RFX4: variants seen among roughly 807,000 people sequenced by gnomAD.
The protein encoded by RFX4 is transcription factor RFX4.
RFX4 carries 10 observed loss-of-function variants against 95.0 expected under a neutral mutation model. That is an observed-to-expected ratio of 0.11 (90% CI 0.06 to 0.18). The LOEUF is 0.18. Among genes scored for constraint, RFX4 ranks in the 10% least tolerant of loss-of-function variants. RFX4 has a pLI of 1.00. For synonymous variants in RFX4, 321 were observed against 340.7 expected, an observed-to-expected ratio of 0.94 and a Z score of 0.64; for missense variants, 640 against 922.0, an observed-to-expected ratio of 0.69 and a Z score of 3.96.
chr12:106,726,157 A>C (rs1403583832), intron 13 of RFX4, among the ~76,000 whole-genome samples: 2 of 151,434 alleles, frequency 1.3e-5, no homozygotes, highest in African/African-American at 4.9e-5. Flanking sequence ...CTGAGGCAGG[A>C]GAATTGCTTG....
intron 1 of RFX4, among the ~76,000 whole-genome samples, chr12:106,600,808 C>G (rs979665942): frequency 6.6e-6 from 1 of 152,178 alleles, no homozygotes; most frequent in Non-Finnish European, 1.5e-5. Flanking sequence ...CAGGCCCTTG[C>G]ACTCCAACAT....
chr12:106,608,580 T>G (rs1220618485), intron 1 of RFX4, among the ~76,000 whole-genome samples: 2 of 152,142 alleles, frequency 1.3e-5, no homozygotes, highest in Admixed American at 1.3e-4. Flanking sequence ...CCATTTTGCA[T>G]CCAAACTACT....
intron 1 of RFX4, among the ~76,000 whole-genome samples, chr12:106,595,078 C>A (rs1249078239): frequency 6.6e-6 from 1 of 152,154 alleles, no homozygotes; most frequent in African/African-American, 2.4e-5. Flanking sequence ...TTTTTCCAGG[C>A]ACTGTGCTGA....
intron 8 of RFX4, among the ~76,000 whole-genome samples, 185 bp from the exon 9 acceptor site, chr12:106,709,145 C>T (rs1421994291): frequency 6.6e-6 from 1 of 150,962 alleles, no homozygotes; most frequent in Non-Finnish European, 1.5e-5. Context: ...CTATTCGTGC[C>T]CTTCCCAGAC....
At chr12:106,595,021 G>A (rs746065158) in intron 1 of RFX4, among the ~76,000 whole-genome samples, 6 of 152,062 alleles carry the variant, frequency 3.9e-5, no homozygotes, top group Non-Finnish European at 5.9e-5. Context: ...TTTTATACAA[G>A]TGAGTCCCTT....
At chr12:106,639,235 G>A in intron 2 of RFX4, 97 bp from the exon 3 acceptor site, 1 of 1,006,852 alleles carries the variant, frequency 9.9e-7, no homozygotes. Flanking sequence ...ACATTTCAAA[G>A]AAACATAGTC....
chr12:106,682,116 C>T, intron 5 of RFX4, 62 bp downstream of exon 5: 2 of 1,537,114 alleles, frequency 1.3e-6, no homozygotes, highest in South Asian at 2.2e-5. Flanking sequence ...AGACAGGCCA[C>T]ACCCTTGGCT....
intron 1 of RFX4, among the ~76,000 whole-genome samples, chr12:106,595,730 C>G (rs904351632): frequency 1.3e-5 from 2 of 152,190 alleles, no homozygotes; most frequent in African/African-American, 4.8e-5. Flanking sequence ...GTTAAAAGAA[C>G]AGCACCTTCC....
chr12:106,731,961 T>C (rs1243825989), intron 13 of RFX4, among the ~76,000 whole-genome samples, 169 bp from the exon 14 acceptor site: 2 of 152,210 alleles, frequency 1.3e-5, no homozygotes, highest in African/African-American at 4.8e-5. Flanking sequence ...AAGGTGAGGA[T>C]ACAGCCAAGA....
intron 15 of RFX4, among the ~76,000 whole-genome samples, chr12:106,745,489 A>G (rs908471230): frequency 6.6e-6 from 1 of 152,150 alleles, no homozygotes; most frequent in African/African-American, 2.4e-5. Context: ...CCATTTCCAC[A>G]TTTCTTCAAG....
At position 106,588,963 on chromosome 12, in the gene RFX4, T is replaced by C. The variant is rs369245801; in HGVS notation, c.43+5600T>C. Among the ~76,000 whole-genome samples, 38 of 152,284 alleles carry C rather than the reference T, an allele frequency of 2.5e-4. 1 individual carries two copies. The highest frequency in any genetic ancestry group is 8.7e-4 in the African/African-American group (36 of 41,562). ...AGATATAAAGTGGTGACATCACAAG[T>C]TGGGATGCCGGACACTCAGGTCTCT... On this transcript the variant is annotated intron_variant, in intron 1 of 17. Transcript: ENST00000392842.
At chr12:106,757,796 G>T (rs2136105130) in intron 17 of RFX4, among the ~76,000 whole-genome samples, 1 of 152,338 alleles carries the variant, frequency 6.6e-6, no homozygotes, top group South Asian at 2.1e-4. Flanking sequence ...CCCTCTCCAT[G>T]TGTAGGAAAG....
intron 8 of RFX4, among the ~76,000 whole-genome samples, chr12:106,707,277 G>A (rs935943457): frequency 5.9e-5 from 9 of 152,168 alleles, no homozygotes; most frequent in Admixed American, 3.3e-4. Flanking sequence ...GAAATCACAA[G>A]TTCAACTTGG....
intron 17 of RFX4, among the ~76,000 whole-genome samples, chr12:106,760,676 G>C (rs1007382976): frequency 6.6e-6 from 1 of 152,200 alleles, no homozygotes; most frequent in South Asian, 2.1e-4. Context: ...TTAGGCTGAA[G>C]TTTATAATTG....
At chr12:106,619,777 T>C (rs1324226644) in intron 2 of RFX4, among the ~76,000 whole-genome samples, 1 of 152,220 alleles carries the variant, frequency 6.6e-6, no homozygotes, top group Non-Finnish European at 1.5e-5. Flanking sequence ...TCCATCTTCA[T>C]CTCTTTGTAC....
intron 4 of RFX4, among the ~76,000 whole-genome samples, chr12:106,678,895 A>G (rs1392177270): frequency 6.6e-6 from 1 of 152,186 alleles, no homozygotes; most frequent in African/African-American, 2.4e-5. Flanking sequence ...ACAGTTTCCT[A>G]TCATTAGACA....
chr12:106,601,565 T>C (rs966177259), intron 1 of RFX4, among the ~76,000 whole-genome samples: 3 of 152,228 alleles, frequency 2.0e-5, no homozygotes, highest in South Asian at 4.1e-4. Flanking sequence ...GGTGACACTT[T>C]TTAAGTCAGG....
chr12:106,708,260 G>A (rs1306302064), intron 8 of RFX4, among the ~76,000 whole-genome samples: 1 of 152,136 alleles, frequency 6.6e-6, no homozygotes, highest in Non-Finnish European at 1.5e-5. Context: ...ATCGCTCATG[G>A]ATTCTATCAG....
chr12:106,703,496 A>G (rs2042028760), intron 8 of RFX4, among the ~76,000 whole-genome samples: 1 of 152,220 alleles, frequency 6.6e-6, no homozygotes, highest in African/African-American at 2.4e-5. Flanking sequence ...GCTTTGTGTT[A>G]TTAAAATCTT....
Sources: gnomAD v4.1 joint callset for allele counts (sites outside exome capture counted in the v4.1 genomes callset) on GRCh38, gnomAD v4.1.1 for gene constraint, MANE v1.5 for transcripts, NCBI Gene and HGNC (gene_info 2026-07-23, HGNC 2026-07-21) for gene names.